The following SEMA3D variants were observed in gnomAD, a reference collection of about 807,000 sequenced individuals.
SEMA3D encodes the protein semaphorin 3D, also known as semaphorin-3D.
Under a neutral mutation model 100.1 loss-of-function variants are expected in SEMA3D, and 84 were observed. The observed-to-expected ratio is 0.84, with a 90% CI of 0.70 to 1.01. SEMA3D has a LOEUF of 1.01. Ranked by LOEUF, SEMA3D falls within the 50% of genes least tolerant of loss-of-function variation. SEMA3D has a pLI of 0.00. For synonymous variants in SEMA3D, 312 were observed against 320.7 expected (o/e 0.97, Z 0.29); for missense variants, 875 against 934.1 (o/e 0.94, Z 0.82).
intron 4 of SEMA3D, among the ~76,000 whole-genome samples, chr7:85,090,760 A>G (rs1788362349): frequency 6.6e-6 from 1 of 152,146 alleles, no homozygotes; most frequent in African/African-American, 2.4e-5. Context: ...CAAACAAGCA[A>G]GTGTAGAGTC....
intron 2 of SEMA3D, among the ~76,000 whole-genome samples, chr7:85,125,961 A>G (rs143621684): frequency 1.3e-5 from 2 of 152,172 alleles, no homozygotes; most frequent in East Asian, 1.9e-4. Flanking sequence ...AACTGCATAT[A>G]ATCTATTCCA....
At chr7:85,249,684 GTGT>G in the SEMA3D span, among the ~76,000 whole-genome samples, 4 of 152,240 alleles carry the variant, frequency 2.6e-5, no homozygotes, top group Middle Eastern at 0.014. Context: ...GTTATATGTG[GTGT>G]TAATCAGAAC....
chr7:85,149,245 G>T (rs1339370667), intron 2 of SEMA3D, among the ~76,000 whole-genome samples: 1 of 151,838 alleles, frequency 6.6e-6, no homozygotes, highest in Admixed American at 6.6e-5. Flanking sequence ...AGGAGTTCAA[G>T]ACCAGCCTGG....
the SEMA3D span, among the ~76,000 whole-genome samples, chr7:85,242,643 C>T: frequency 6.6e-6 from 1 of 152,048 alleles, no homozygotes. Context: ...TCATTGTCTC[C>T]AACAATAATA....
At chr7:85,040,861 A>G (rs1790841143) in intron 10 of SEMA3D, 119 bp from the exon 11 acceptor site, 2 of 586,358 alleles carry the variant, frequency 3.4e-6, no homozygotes, top group Non-Finnish European at 6.1e-6. Context: ...CAGAGGCACT[A>G]TATTATGCCT....
At chr7:85,111,838 C>T (rs953268115) in intron 3 of SEMA3D, among the ~76,000 whole-genome samples, 5 of 151,930 alleles carry the variant, frequency 3.3e-5, no homozygotes, top group African/African-American at 1.2e-4. Flanking sequence ...TTAGCCATAC[C>T]ATCTTCTTTA....
chr7:85,131,284 A>T (rs1789718059), intron 2 of SEMA3D, among the ~76,000 whole-genome samples: 1 of 152,124 alleles, frequency 6.6e-6, no homozygotes. Context: ...CTTTGAGATC[A>T]TAAACACAAA....
At position 85,050,072 on chromosome 7, in the gene SEMA3D, AACACACACACAC is replaced by A. The variant is rs55849524; in HGVS notation, c.861+5633_861+5644del. 7.9e-3 allele frequency among the ~76,000 whole-genome samples: 1,080 copies of A among 137,008 alleles called. 8 individuals carry two copies. Among genetic ancestry groups the A allele is most frequent in the African/African-American group, 0.027 (974 of 36,706 alleles). 89.9% of individuals were successfully genotyped at this position (137,008 alleles called of 152,430 possible). On this transcript the variant is annotated intron_variant, in intron 9 of 18. Transcript: ENST00000284136. ...ACTTAAAAGGTGGGTCTTGAAGGGA[AACACACACACAC>A]ACACACACACACACACACACACACA...
the SEMA3D span, among the ~76,000 whole-genome samples, chr7:85,199,791 C>T: frequency 1.3e-5 from 2 of 152,048 alleles, no homozygotes; most frequent in Admixed American, 1.3e-4. Flanking sequence ...TCATTTTCTG[C>T]TTTTTTTCCC....
chr7:85,107,401 A>G (rs1466707482), intron 3 of SEMA3D, among the ~76,000 whole-genome samples: 1 of 152,102 alleles, frequency 6.6e-6, no homozygotes, highest in Non-Finnish European at 1.5e-5. Flanking sequence ...AAATATCATC[A>G]TGTAATATTG....
intron 1 of SEMA3D, among the ~76,000 whole-genome samples, chr7:85,158,893 A>T (rs894725709): frequency 2.0e-5 from 3 of 151,960 alleles, no homozygotes; most frequent in African/African-American, 7.2e-5. Flanking sequence ...TATCATCAGA[A>T]TTTTTTCTGT....
At chr7:85,042,661 C>T (rs952322494) in intron 9 of SEMA3D, among the ~76,000 whole-genome samples, 4 of 151,972 alleles carry the variant, frequency 2.6e-5, no homozygotes, top group South Asian at 2.1e-4. Flanking sequence ...TCTTGAAATA[C>T]GGTTAGTTAA....
At chr7:85,065,593 A>G in intron 7 of SEMA3D, 41 bp from the exon 8 acceptor site, 1 of 1,544,726 alleles carries the variant, frequency 6.5e-7, no homozygotes, top group Non-Finnish European at 8.9e-7. Flanking sequence ...TTAAGAGTAC[A>G]GCAGTAGATG....
At chr7:85,024,090 C>T (rs1221559367) in intron 12 of SEMA3D, among the ~76,000 whole-genome samples, 1 of 151,888 alleles carries the variant, frequency 6.6e-6, no homozygotes, top group Non-Finnish European at 1.5e-5. Flanking sequence ...ACTTAACCTT[C>T]AGCCAAGCGG....
intron 16 of SEMA3D, among the ~76,000 whole-genome samples, chr7:85,013,269 T>C (rs950925494): frequency 2.6e-5 from 4 of 151,714 alleles, no homozygotes; most frequent in Non-Finnish European, 5.9e-5. Flanking sequence ...TATACACAAA[T>C]ACAAAACACC....
chr7:85,053,492 T>A (rs570984822), intron 9 of SEMA3D, among the ~76,000 whole-genome samples: 4,022 of 152,094 alleles, frequency 0.026, 176 homozygotes, highest in African/African-American at 0.09. Context: ...TGAGGTCTTT[T>A]TTTGTTATTG....
intron 12 of SEMA3D, among the ~76,000 whole-genome samples, chr7:85,035,099 G>C (rs1790655959): frequency 6.6e-6 from 1 of 151,624 alleles, no homozygotes; most frequent in African/African-American, 2.4e-5. Context: ...CAGATGAATG[G>C]ATAAAGAAAA....
chr7:85,110,479 C>A (rs1259455499), intron 3 of SEMA3D, among the ~76,000 whole-genome samples: 1 of 151,832 alleles, frequency 6.6e-6, no homozygotes, highest in Non-Finnish European at 1.5e-5. Context: ...GTGCCTACAG[C>A]CTGTATCATA....
chr7:85,141,030 T>C, intron 2 of SEMA3D: 1 of 734,872 alleles, frequency 1.4e-6, no homozygotes, highest in Non-Finnish European at 1.7e-6. Context: ...ACTAATGAGT[T>C]AATTGTTTCC....
Sources: allele counts gnomAD v4.1 joint callset (sites outside exome capture counted in the v4.1 genomes callset), GRCh38; gene constraint gnomAD v4.1.1; transcripts MANE v1.5; gene names NCBI Gene and HGNC (gene_info 2026-07-23, HGNC 2026-07-21).